RASSF5: variants seen among roughly 807,000 people sequenced by gnomAD.
RASSF5 encodes Ras association domain family member 5.
A neutral mutation model predicts 40.5 loss-of-function variants in RASSF5; 25 were observed. The observed-to-expected ratio is 0.62, with a 90% CI of 0.45 to 0.86. The LOEUF is 0.86. Among genes scored for constraint, RASSF5 ranks in the 40% least tolerant of loss-of-function variants. The pLI is 0.00. For missense variants in RASSF5, 521 were observed against 572.8 expected (o/e 0.91, Z 0.92); for synonymous variants, 246 against 252.4 (o/e 0.97, Z 0.24).
intron 3 of RASSF5, 168 bp downstream of exon 3, chr1:206,583,547 G>C (rs1668980812): frequency 1.7e-6 from 1 of 605,744 alleles, no homozygotes; most frequent in Admixed American, 2.9e-5. Flanking sequence ...AGAGCCCTCA[G>C]TGGCCTCCAT....
In RASSF5 at chr1:206,535,057, C is replaced by G. The variant is rs1213339431; in HGVS notation, c.458-3115C>G. On this transcript the variant is annotated intron_variant, in intron 1 of 5. Transcript: ENST00000579436. This position sits in a 1 kb window ranked among gnomAD's most constrained non-coding sequence, Gnocchi z 5.0. ...ACCAGCCTGGGAAAAATGGTGAAACCCTTTTTTAATTAGCCAGGTGCAGTG... is the reference window on the plus strand; with the variant it reads ...ACCAGCCTGGGAAAAATGGTGAAACGCTTTTTTAATTAGCCAGGTGCAGTG... Among the ~76,000 whole-genome samples the G allele has an allele frequency of 6.6e-6, 1 of 152,100 alleles. No individual in the cohort carries two copies. Among genetic ancestry groups the G allele is most frequent in the Non-Finnish European group, 1.5e-5 (1 of 68,024 alleles).
Position 206,532,758 on chromosome 1 carries a change from G to A in RASSF5, c.458-5414G>A, listed in dbSNP as rs139410723. Among the ~76,000 whole-genome samples the A allele has an allele frequency of 5.1e-4, 77 of 152,298 alleles. No individual in the cohort carries two copies. In the East Asian group the frequency reaches 0.011, roughly 21 times the overall value. On this transcript the variant is annotated intron_variant, in intron 1 of 5. Transcript: ENST00000579436. Reference sequence around the variant, plus strand: ...TCCAGGCTCAGTCGCCTTGGTGCCCGCCTGGCCCTTACCCACACCTTGGCC... The same window carrying A: ...TCCAGGCTCAGTCGCCTTGGTGCCCACCTGGCCCTTACCCACACCTTGGCC...
chr1:206,514,319 ACCTATAACTACTG>A (rs1414204964), intron 1 of RASSF5, among the ~76,000 whole-genome samples: 9 of 152,152 alleles, frequency 5.9e-5, no homozygotes, highest in African/African-American at 2.2e-4. Flanking sequence ...GGATTTTCCT[ACCTATAACTACTG>A]CCCTGGCCCC....
At position 206,579,977 on chromosome 1, in the gene RASSF5, G is replaced by A. The variant is rs180697265; in HGVS notation, c.580-3292G>A. On this transcript the variant is annotated intron_variant, in intron 2 of 5. Coordinates refer to ENST00000579436, the MANE Select transcript of RASSF5 (RefSeq NM_182663.4). This position sits in a 1 kb window ranked among gnomAD's most constrained non-coding sequence, Gnocchi z 4.2. ...CTGGCATTCCATGGCTGTGACATTCGTAGTGTTGGCTACACACGGGGCTCC... is the reference window on the plus strand; with the variant it reads ...CTGGCATTCCATGGCTGTGACATTCATAGTGTTGGCTACACACGGGGCTCC... Among the ~76,000 whole-genome samples the A allele has an allele frequency of 6.6e-4, 101 of 152,326 alleles. No individual in the cohort carries two copies. Among genetic ancestry groups the A allele is most frequent in the African/African-American group, 2.2e-3 (92 of 41,560 alleles).
intron 1 of RASSF5, among the ~76,000 whole-genome samples, chr1:206,516,670 G>T (rs1666753533): frequency 6.6e-6 from 1 of 152,130 alleles, no homozygotes; most frequent in African/African-American, 2.4e-5. Context: ...TGTTAGCCAG[G>T]ATGGTCTCAA....
rs56407918 is a variant in RASSF5, at chr1:206,535,721, T to C, written c.458-2451T>C. ...TGTGTGTCTGTGTGTGTGTGGTGTGTGTGTGTGTGTGTGTGTGTGTGTGAG... is the reference window on the plus strand; with the variant it reads ...TGTGTGTCTGTGTGTGTGTGGTGTGCGTGTGTGTGTGTGTGTGTGTGTGAG... On this transcript the variant is annotated intron_variant, in intron 1 of 5. Coordinates refer to ENST00000579436, the MANE Select transcript of RASSF5 (RefSeq NM_182663.4). The surrounding 1 kb of genome is among the most constrained non-coding windows in gnomAD (Gnocchi z 5.0). 1.0e-5 allele frequency among the ~76,000 whole-genome samples: 1 copy of C among 99,452 alleles called. No homozygotes were observed. The highest frequency in any genetic ancestry group is 2.4e-5 in the Non-Finnish European group (1 of 42,364). The allele number at this position is 99,452 out of a possible 152,430, so 65.2% of individuals were successfully genotyped here.
At chr1:206,556,997 C>G (rs1330674690) in intron 2 of RASSF5, among the ~76,000 whole-genome samples, 2 of 152,208 alleles carry the variant, frequency 1.3e-5, no homozygotes, top group Non-Finnish European at 2.9e-5. Flanking sequence ...AATGTTCCCC[C>G]TCGGGTCCAT....
intron 2 of RASSF5, among the ~76,000 whole-genome samples, chr1:206,567,778 C>A (rs990655146): frequency 1.3e-5 from 2 of 151,990 alleles, no homozygotes; most frequent in Non-Finnish European, 2.9e-5. Context: ...CTGGAATGTG[C>A]GATAGTAATG....
intron 2 of RASSF5, among the ~76,000 whole-genome samples, chr1:206,558,776 A>G (rs1406988026): frequency 6.6e-6 from 1 of 152,230 alleles, no homozygotes; most frequent in African/African-American, 2.4e-5. Flanking sequence ...CAACTAAAAT[A>G]GGCCCCTGTA....
intron 1 of RASSF5, among the ~76,000 whole-genome samples, chr1:206,521,431 C>G (rs2103507282): frequency 6.6e-6 from 1 of 152,320 alleles, no homozygotes; most frequent in African/African-American, 2.4e-5. Context: ...CCATGATAGA[C>G]TGAACCTGCC....
chr1:206,550,591 G>C (rs1402578838), intron 2 of RASSF5, among the ~76,000 whole-genome samples: 1 of 152,206 alleles, frequency 6.6e-6, no homozygotes, highest in East Asian at 1.9e-4. Flanking sequence ...ACACCAGTGT[G>C]GTTGTTGTGG....
chr1:206,550,164 TC>T (rs1667797250), intron 2 of RASSF5, among the ~76,000 whole-genome samples: 1 of 152,184 alleles, frequency 6.6e-6, no homozygotes, highest in South Asian at 2.1e-4. Flanking sequence ...GTTTCCTGTG[TC>T]TCGGGGATTG....
At chr1:206,545,084 C>T (rs191327081) in intron 2 of RASSF5, among the ~76,000 whole-genome samples, 38 of 152,166 alleles carry the variant, frequency 2.5e-4, no homozygotes, top group African/African-American at 8.9e-4. Flanking sequence ...GATAGACCTA[C>T]CTGCACATCT....
At chr1:206,568,386 C>T (rs1668340211) in intron 2 of RASSF5, among the ~76,000 whole-genome samples, 1 of 152,200 alleles carries the variant, frequency 6.6e-6, no homozygotes, top group Admixed American at 6.5e-5. Flanking sequence ...CTCAAAGCTG[C>T]AGGTGGAGGG....
intron 2 of RASSF5, among the ~76,000 whole-genome samples, chr1:206,541,184 T>G (rs1285532184): frequency 4.6e-5 from 7 of 152,196 alleles, no homozygotes; most frequent in African/African-American, 1.7e-4. Flanking sequence ...TGTGAGCCAC[T>G]GCGCCCGGCC....
At chr1:206,512,766 G>A (rs984383774) in intron 1 of RASSF5, among the ~76,000 whole-genome samples, 1 of 152,220 alleles carries the variant, frequency 6.6e-6, no homozygotes, top group Non-Finnish European at 1.5e-5. Context: ...CAGGTCAGGG[G>A]CCAGAGGCTC....
rs1031366522 is a variant in RASSF5, at chr1:206,587,387, G to A, written c.*409G>A. The A allele has an allele frequency of 3.0e-5, 9 of 295,578 alleles. No individual in the cohort carries two copies. Among genetic ancestry groups the A allele is most frequent in the Admixed American group, 2.5e-4 (5 of 20,320 alleles). The allele number at this position is 295,578 out of a possible 1,614,324, so 18.3% of individuals were successfully genotyped here. The stretch of plus-strand genomic sequence containing the variant: ...CTCTTTGAGTTCTCTTACTTGCCAC[G>A]TACAGGACCATTATTTATGAGTGAA... On this transcript the variant is annotated 3_prime_UTR_variant, in exon 6 of 6. Transcript: ENST00000579436.
chr1:206,576,729 G>A (rs1668673161), intron 2 of RASSF5, among the ~76,000 whole-genome samples: 1 of 152,214 alleles, frequency 6.6e-6, no homozygotes, highest in African/African-American at 2.4e-5. Flanking sequence ...AGGGCTAATA[G>A]TGTTCTAGGC....
At chr1:206,576,783 A>G (rs1458574640) in intron 2 of RASSF5, among the ~76,000 whole-genome samples, 1 of 152,178 alleles carries the variant, frequency 6.6e-6, no homozygotes, top group Non-Finnish European at 1.5e-5. Flanking sequence ...ACTACTGCAC[A>G]TGGCCAGGTT....
Sources: gnomAD v4.1 joint callset for allele counts (sites outside exome capture counted in the v4.1 genomes callset) on GRCh38, gnomAD v4.1.1 for gene constraint, Gnocchi (gnomAD v3.1) non-coding constraint, MANE v1.5 for transcripts, NCBI Gene and HGNC (gene_info 2026-07-23, HGNC 2026-07-21) for gene names.